The following EFCAB11 variants were observed in gnomAD, a reference collection of about 807,000 sequenced individuals.
The protein encoded by EFCAB11 is EF-hand calcium-binding domain-containing protein 11.
Under a neutral mutation model 23.0 loss-of-function variants are expected in EFCAB11, and 14 were observed. That is an observed-to-expected ratio of 0.61 (90% confidence interval 0.40 to 0.95). The LOEUF (loss-of-function observed/expected upper bound fraction) is 0.95, where lower values mean the gene tolerates loss of function less well. Among genes scored for constraint, EFCAB11 ranks in the 40% least tolerant of loss-of-function variants. EFCAB11 has a pLI of 0.00. For missense variants in EFCAB11, 198 were observed against 195.8 expected (o/e 1.01, Z -0.07); for synonymous variants, 65 against 66.6 (o/e 0.98, Z 0.11).
At chr14:89,814,503 G>C (rs910474256) in intron 5 of EFCAB11, among the ~76,000 whole-genome samples, 1 of 152,122 alleles carries the variant, frequency 6.6e-6, no homozygotes, top group African/African-American at 2.4e-5. Context: ...TTGGGAGTTC[G>C]AGAGCAGCCT....
intron 3 of EFCAB11, among the ~76,000 whole-genome samples, chr14:89,949,842 T>C (rs951179300): frequency 7.2e-5 from 11 of 152,086 alleles, no homozygotes; most frequent in African/African-American, 2.4e-4. Context: ...GCAAGTCACG[T>C]CTTACATGGA....
chr14:89,814,476 G>A (rs954706306), intron 5 of EFCAB11, among the ~76,000 whole-genome samples: 15 of 152,074 alleles, frequency 9.9e-5, no homozygotes, highest in Non-Finnish European at 1.5e-4. Context: ...AGGGCGAGGC[G>A]GGCAGATCAC....
intron 5 of EFCAB11, among the ~76,000 whole-genome samples, chr14:89,836,816 C>T (rs1350180856): frequency 2.6e-5 from 4 of 152,028 alleles, no homozygotes; most frequent in South Asian, 2.1e-4. Flanking sequence ...GCTAGGAGCT[C>T]GAGACCAGCC....
chr14:89,852,030 A>G (rs774078156), intron 5 of EFCAB11, among the ~76,000 whole-genome samples: 1 of 152,198 alleles, frequency 6.6e-6, no homozygotes, highest in Non-Finnish European at 1.5e-5. Context: ...CAAAATAAAT[A>G]CTGGAAAATA....
intron 5 of EFCAB11, among the ~76,000 whole-genome samples, chr14:89,798,571 T>C (rs1281176867): frequency 1.3e-5 from 2 of 152,254 alleles, no homozygotes; most frequent in African/African-American, 4.8e-5. Flanking sequence ...ATAAACGGCC[T>C]TTTTTCTTTC....
chr14:89,857,369 T>C (rs937434327), intron 5 of EFCAB11, among the ~76,000 whole-genome samples: 6 of 152,158 alleles, frequency 3.9e-5, no homozygotes, highest in African/African-American at 1.4e-4. Flanking sequence ...GAAAGACTGG[T>C]TGGAGGATGA....
chr14:89,954,499 G>T, intron 1 of EFCAB11, 87 bp downstream of exon 1: 1 of 1,565,004 alleles, frequency 6.4e-7, no homozygotes, highest in Non-Finnish European at 8.6e-7. Context: ...CTGCACACCC[G>T]GCAGAGTGAG....
chr14:89,824,869 C>T (rs189634330), intron 5 of EFCAB11, among the ~76,000 whole-genome samples: 105 of 151,912 alleles, frequency 6.9e-4, no homozygotes, highest in African/African-American at 2.2e-3. Flanking sequence ...AGCAAAACAT[C>T]GAGAGAACTA....
intron 2 of EFCAB11, among the ~76,000 whole-genome samples, chr14:89,951,048 TC>T (rs896190837): frequency 6.6e-6 from 1 of 152,054 alleles, no homozygotes; most frequent in African/African-American, 2.4e-5. Flanking sequence ...TCCAGCCCTA[TC>T]CCCTCCACCC....
intron 3 of EFCAB11, among the ~76,000 whole-genome samples, chr14:89,942,544 C>T (rs1419993181): frequency 6.6e-6 from 1 of 152,128 alleles, no homozygotes; most frequent in Non-Finnish European, 1.5e-5. Context: ...AAGTGCATCA[C>T]AGAGAATGAG....
chr14:89,870,071 A>G (rs150638726), intron 5 of EFCAB11, among the ~76,000 whole-genome samples: 1 of 152,346 alleles, frequency 6.6e-6, no homozygotes, highest in African/African-American at 2.4e-5. Context: ...TTCCTCAAGA[A>G]CAGTGAGGTT....
intron 5 of EFCAB11, among the ~76,000 whole-genome samples, chr14:89,921,072 A>AAAAAAG (rs796207560): frequency 4.1e-5 from 6 of 147,584 alleles, no homozygotes; most frequent in African/African-American, 1.6e-4. Context: ...CTAAAAAAAA[A>AAAAAAG]AAAAGAAAAG....
chr14:89,813,963 G>T (rs1175270418), intron 5 of EFCAB11, among the ~76,000 whole-genome samples: 5 of 151,978 alleles, frequency 3.3e-5, no homozygotes, highest in Non-Finnish European at 7.4e-5. Flanking sequence ...CTCGGCTGCT[G>T]CTCTCTTTCA....
At chr14:89,835,624 G>A (rs1414964802) in intron 5 of EFCAB11, among the ~76,000 whole-genome samples, 1 of 149,916 alleles carries the variant, frequency 6.7e-6, no homozygotes, top group African/African-American at 2.5e-5. Context: ...GTGTGTGTGT[G>A]TGTGTGTGTG....
intron 5 of EFCAB11, among the ~76,000 whole-genome samples, chr14:89,860,498 G>A (rs768509319): frequency 6.6e-6 from 1 of 152,172 alleles, no homozygotes; most frequent in Non-Finnish European, 1.5e-5. Context: ...AATCTGGGGT[G>A]TTTTCAAAAA....
intron 5 of EFCAB11, among the ~76,000 whole-genome samples, chr14:89,911,384 G>A (rs544197222): frequency 6.6e-6 from 1 of 152,158 alleles, no homozygotes; most frequent in Non-Finnish European, 1.5e-5. Context: ...GGGGGGTTTG[G>A]GGGTGGAGAG....
chr14:89,921,526 G>A (rs1227744990), intron 5 of EFCAB11, among the ~76,000 whole-genome samples: 1 of 152,208 alleles, frequency 6.6e-6, no homozygotes, highest in Non-Finnish European at 1.5e-5. Context: ...GTCTGACTCA[G>A]TACCTTTGGA....
intron 5 of EFCAB11, among the ~76,000 whole-genome samples, chr14:89,849,588 T>C (rs564829352): frequency 8.6e-5 from 13 of 150,792 alleles, no homozygotes; most frequent in African/African-American, 2.7e-4. Flanking sequence ...ATGCATTGCT[T>C]TTGTAACAAG....
intron 5 of EFCAB11, among the ~76,000 whole-genome samples, chr14:89,837,374 T>C (rs909581322): frequency 3.3e-5 from 5 of 152,094 alleles, no homozygotes; most frequent in African/African-American, 1.2e-4. Flanking sequence ...GTAGCCTCCC[T>C]GCTTCCTTCT....
Sources: gnomAD v4.1 joint callset for allele counts (sites outside exome capture counted in the v4.1 genomes callset) on GRCh38, gnomAD v4.1.1 for gene constraint, MANE v1.5 for transcripts, NCBI Gene and HGNC (gene_info 2026-07-23, HGNC 2026-07-21) for gene names.